The following OTUD7A variants were observed in gnomAD, a reference collection of about 807,000 sequenced individuals.
The protein encoded by OTUD7A is OTU deubiquitinase 7A.
Under a neutral mutation model 65.7 loss-of-function variants are expected in OTUD7A, and 12 were observed. The observed-to-expected ratio is 0.18, with a 90% CI of 0.12 to 0.30. The LOEUF (loss-of-function observed/expected upper bound fraction) is 0.30. OTUD7A is among the 10% of genes least tolerant of loss of function. The probability of loss-of-function intolerance (pLI) is 1.00; values close to 1 mark genes in which losing one functional copy is unlikely to be tolerated. For missense variants in OTUD7A, 1,148 were observed against 1,304.8 expected (o/e 0.88, Z 1.85); for synonymous variants, 641 against 586.3 (o/e 1.09, Z -1.35).
chr15:31,536,295 T>C (rs144638838), intron 5 of OTUD7A, among the ~76,000 whole-genome samples: 3 of 152,350 alleles, frequency 2.0e-5, no homozygotes, highest in Non-Finnish European at 4.4e-5. Flanking sequence ...TCATCTTACA[T>C]GTCACTTCTT....
chr15:31,626,656 G>T (rs1890961896), intron 3 of OTUD7A, among the ~76,000 whole-genome samples: 1 of 152,130 alleles, frequency 6.6e-6, no homozygotes, highest in Non-Finnish European at 1.5e-5. Flanking sequence ...GCTCACTGCA[G>T]CCTTGACCTC....
chr15:31,647,485 T>A (rs894037589), intron 3 of OTUD7A, among the ~76,000 whole-genome samples: 1 of 152,246 alleles, frequency 6.6e-6, no homozygotes, highest in Non-Finnish European at 1.5e-5. Context: ...TACCTCGTCA[T>A]AGAAACTTCT....
chr15:31,492,144 C>T (rs963995033), intron 10 of OTUD7A, among the ~76,000 whole-genome samples: 1 of 152,108 alleles, frequency 6.6e-6, no homozygotes, highest in African/African-American at 2.4e-5. Flanking sequence ...AAGCAAAGGG[C>T]AGCAGTGCAT....
At chr15:31,830,020 G>A (rs1168227014) in intron 1 of OTUD7A, among the ~76,000 whole-genome samples, 1 of 152,134 alleles carries the variant, frequency 6.6e-6, no homozygotes, top group Non-Finnish European at 1.5e-5. Context: ...AAGGGACTTT[G>A]GGGCATTCCA....
intron 3 of OTUD7A, among the ~76,000 whole-genome samples, chr15:31,627,057 T>C (rs1156296536): frequency 3.9e-5 from 6 of 152,080 alleles, no homozygotes; most frequent in Non-Finnish European, 8.8e-5. Context: ...AGGCTGGTAG[T>C]TGCTGAAGGT....
At chr15:31,609,937 A>C (rs1470406429) in intron 3 of OTUD7A, among the ~76,000 whole-genome samples, 3 of 152,226 alleles carry the variant, frequency 2.0e-5, no homozygotes, top group Non-Finnish European at 4.4e-5. Context: ...AGAGCCGGGC[A>C]GACTTGCTGG....
chr15:31,805,167 T>C (rs955145471), intron 1 of OTUD7A, among the ~76,000 whole-genome samples: 3 of 152,280 alleles, frequency 2.0e-5, no homozygotes, highest in African/African-American at 7.2e-5. Context: ...CTAGGATCTG[T>C]TGGAAGGCTG....
At chr15:31,616,378 T>C (rs1890586456) in intron 3 of OTUD7A, among the ~76,000 whole-genome samples, 1 of 152,142 alleles carries the variant, frequency 6.6e-6, no homozygotes, top group Non-Finnish European at 1.5e-5. Context: ...AATCCTTACA[T>C]GCTGAGGAAT....
intron 3 of OTUD7A, among the ~76,000 whole-genome samples, chr15:31,609,139 G>C (rs1395831135): frequency 6.6e-6 from 1 of 152,208 alleles, no homozygotes; most frequent in Non-Finnish European, 1.5e-5. Context: ...TCACCACAGG[G>C]ATCGGGGGGC....
intron 1 of OTUD7A, among the ~76,000 whole-genome samples, chr15:31,785,361 T>C (rs1214049827): frequency 6.6e-6 from 1 of 152,368 alleles, no homozygotes; most frequent in Non-Finnish European, 1.5e-5. Flanking sequence ...TAGATATTTT[T>C]ATTTGAAACA....
intron 1 of OTUD7A, among the ~76,000 whole-genome samples, chr15:31,794,715 C>G (rs1043843807): frequency 5.9e-5 from 9 of 152,098 alleles, no homozygotes; most frequent in Non-Finnish European, 1.3e-4. Context: ...CCTCGCCCCC[C>G]AGCCCACCGT....
At chr15:31,507,578 G>T (rs969937007) in intron 8 of OTUD7A, among the ~76,000 whole-genome samples, 2 of 152,114 alleles carry the variant, frequency 1.3e-5, no homozygotes, top group African/African-American at 4.8e-5. Context: ...GAGAGAGAAA[G>T]AACAAAGGTT....
At chr15:31,734,802 C>G (rs1282126953) in intron 1 of OTUD7A, among the ~76,000 whole-genome samples, 1 of 151,670 alleles carries the variant, frequency 6.6e-6, no homozygotes, top group Non-Finnish European at 1.5e-5. Flanking sequence ...TATAAAAGCT[C>G]TGGAAGATAA....
chr15:31,736,608 T>G (rs2141367828), intron 1 of OTUD7A, among the ~76,000 whole-genome samples: 1 of 152,274 alleles, frequency 6.6e-6, no homozygotes, highest in African/African-American at 2.4e-5. Context: ...CAATGTATGT[T>G]CCAGGTGCCA....
At chr15:31,669,735 C>T (rs145691429) in intron 1 of OTUD7A, among the ~76,000 whole-genome samples, 3,917 of 147,398 alleles carry the variant, frequency 0.027, 121 homozygotes, top group African/African-American at 0.08. Context: ...TGTTTTTCCC[C>T]CCTCCTCTGG....
At chr15:31,822,256 A>AG in intron 1 of OTUD7A, among the ~76,000 whole-genome samples, 1 of 152,322 alleles carries the variant, frequency 6.6e-6, no homozygotes, top group Non-Finnish European at 1.5e-5. Flanking sequence ...TGGCATAGTG[A>AG]GAAACGGAGC....
intron 6 of OTUD7A, 49 bp downstream of exon 6, chr15:31,530,658 T>G (rs1302345276): frequency 2.0e-6 from 3 of 1,526,354 alleles, no homozygotes; most frequent in Non-Finnish European, 2.7e-6. Context: ...TGTCTTTCCT[T>G]ACGCAGGCCT....
intron 1 of OTUD7A, among the ~76,000 whole-genome samples, chr15:31,811,976 G>A (rs1896429562): frequency 6.6e-6 from 1 of 152,240 alleles, no homozygotes. Flanking sequence ...AGAGAGGACT[G>A]AGGCTGCGGG....
chr15:31,581,299 T>C (rs1267899343), intron 3 of OTUD7A, among the ~76,000 whole-genome samples: 1 of 152,168 alleles, frequency 6.6e-6, no homozygotes, highest in Non-Finnish European at 1.5e-5. Context: ...GCATTGAGTG[T>C]CTACAGCTTT....
Sources: allele counts gnomAD v4.1 joint callset (sites outside exome capture counted in the v4.1 genomes callset), GRCh38; gene constraint gnomAD v4.1.1; transcripts MANE v1.5; gene names NCBI Gene and HGNC (gene_info 2026-07-23, HGNC 2026-07-21).